SLC35E4: variants seen among roughly 807,000 people sequenced by gnomAD.
The protein encoded by SLC35E4 is solute carrier family 35 member E4, also known as solute carrier family 35, member E4.
A neutral mutation model predicts 19.3 loss-of-function variants in SLC35E4; 15 were observed. That is an observed-to-expected ratio of 0.78 (90% confidence interval 0.52 to 1.20). The LOEUF (loss-of-function observed/expected upper bound fraction) is 1.20, where lower values mean the gene tolerates loss of function less well. Ranked by LOEUF, SLC35E4 falls within the 50% of genes most tolerant of loss-of-function variation. SLC35E4 has a pLI of 0.00. For synonymous variants in SLC35E4, 219 were observed against 219.9 expected (o/e 1.00, Z 0.04); for missense variants, 406 against 472.3 (o/e 0.86, Z 1.30).
At chr22:30,650,020 G>A (rs557407285), downstream of SLC35E4, among the ~76,000 whole-genome samples, 31 of 149,582 alleles carry the variant, frequency 2.1e-4, 1 homozygote, top group Middle Eastern at 3.5e-3. Flanking sequence ...CACAGAGAGC[G>A]CTGGATTGGG....
In SLC35E4 at chr22:30,646,709, C is replaced by T; in HGVS notation, c.731C>T (p.Ala244Val). ...GAALVLEAGV[A>V]PPPTAGDSRL... is the part of the protein sequence containing the mutation. ...GCCCTGGTGCTGGAGGCTGGCGTTGCCCCACCGCCCACTGCTGGCGACTCT... is the reference window on the plus strand; with the variant it reads ...GCCCTGGTGCTGGAGGCTGGCGTTGTCCCACCGCCCACTGCTGGCGACTCT... The change falls in exon 2 of 2, where the codon GCC (alanine) becomes GTC (valine). Residue 244 changes from alanine (A) to valine (V), a missense_variant. Coordinates refer to ENST00000343605, the MANE Select transcript of SLC35E4 (RefSeq NM_001001479.4). 6.2e-7 allele frequency: 1 copy of T among 1,612,410 alleles called. No homozygotes were observed.
chr22:30,665,629 T>C (rs181978189), downstream of SLC35E4: 1 of 453,502 alleles, frequency 2.2e-6, no homozygotes, highest in Admixed American at 2.4e-5. Flanking sequence ...TGCTCCAGGC[T>C]TTCTTAGCCC....
chr22:30,663,709 G>A (rs772790959), downstream of SLC35E4: 7 of 1,614,244 alleles, frequency 4.3e-6, no homozygotes, highest in East Asian at 8.9e-5. Flanking sequence ...AGCAAAGTAC[G>A]GCCCTGCTTC....
chr22:30,654,609 G>A (rs1265668225), intron 2 of SLC35E4: 1 of 465,502 alleles, frequency 2.1e-6, no homozygotes, highest in African/African-American at 2.0e-5. Flanking sequence ...GGGCCCAGAA[G>A]TGGTAGGTGC....
At chr22:30,655,816 C>CAGG (rs1224491626) in intron 2 of SLC35E4, among the ~76,000 whole-genome samples, 1 of 152,096 alleles carries the variant, frequency 6.6e-6, no homozygotes, top group African/African-American at 2.4e-5. Flanking sequence ...TGCCTGAAGT[C>CAGG]AAAGCCAAGA....
At position 30,646,668 on chromosome 22, in the gene SLC35E4, C is replaced by G; in HGVS notation, c.690C>G (p.Cys230Trp). The G allele has an allele frequency of 1.2e-6, 2 of 1,612,764 alleles. No homozygotes were observed. The highest frequency in any genetic ancestry group is 2.2e-5 in the South Asian group (2 of 91,024). Residue 230 changes from cysteine (C) to tryptophan (W), a missense_variant, in exon 2 of 2, where the codon TGC (cysteine) becomes TGG (tryptophan). Coordinates refer to ENST00000343605, the MANE Select transcript of SLC35E4 (RefSeq NM_001001479.4). ...LLYATSLPSFCLLAGAALVLE... is the reference protein window; with the variant it reads ...LLYATSLPSFWLLAGAALVLE... ...ACGCCACCTCGCTGCCCAGCTTCTG[C>G]CTGCTGGCGGGTGCAGCCCTGGTGC...
At chr22:30,659,123 CAAAAAAA>C (rs35939188) in intron 2 of SLC35E4, among the ~76,000 whole-genome samples, 22 of 104,708 alleles carry the variant, frequency 2.1e-4, no homozygotes, top group East Asian at 1.5e-3. Context: ...GACTCCATCT[CAAAAAAA>C]AAAAAAAAAA....
At chr22:30,651,462 T>G (rs1360279397), downstream of SLC35E4, among the ~76,000 whole-genome samples, 2 of 115,736 alleles carry the variant, frequency 1.7e-5, no homozygotes, top group East Asian at 2.5e-4. Flanking sequence ...TTTTTTTTGG[T>G]AGAGATGGGG....
intron 2 of SLC35E4, among the ~76,000 whole-genome samples, chr22:30,658,835 T>C (rs2088398171): frequency 6.6e-6 from 1 of 152,120 alleles, no homozygotes; most frequent in Admixed American, 6.6e-5. Context: ...CTGATTTACA[T>C]GGCAAAGGCT....
At chr22:30,653,371 CTTCT>C (rs928060816) in intron 2 of SLC35E4, among the ~76,000 whole-genome samples, 5 of 150,902 alleles carry the variant, frequency 3.3e-5, no homozygotes, top group South Asian at 2.1e-4. Flanking sequence ...CCCCTTCCTC[CTTCT>C]TTTTTTTTTT....
chr22:30,665,462 C>T (rs1569074237), downstream of SLC35E4: 1 of 464,928 alleles, frequency 2.2e-6, no homozygotes, highest in Non-Finnish European at 4.5e-6. Flanking sequence ...CCCTGCTGAT[C>T]TCTCAGTCTC....
At chr22:30,655,125 G>A (rs999424429) in intron 2 of SLC35E4, among the ~76,000 whole-genome samples, 3 of 152,098 alleles carry the variant, frequency 2.0e-5, no homozygotes, top group Non-Finnish European at 2.9e-5. Flanking sequence ...CAGGGGCTGT[G>A]CAGGGTCTGG....
intron 2 of SLC35E4, among the ~76,000 whole-genome samples, chr22:30,659,061 T>G (rs2088404115): frequency 2.0e-5 from 3 of 148,098 alleles, no homozygotes; most frequent in Non-Finnish European, 4.4e-5. Flanking sequence ...GAGGCGGAGT[T>G]TGCAGTGAGC....
At chr22:30,651,371 T>G (rs200142405), downstream of SLC35E4, among the ~76,000 whole-genome samples, 1,020 of 41,262 alleles carry the variant, frequency 0.025, 28 homozygotes, top group East Asian at 0.12. Context: ...TGGCTAATTT[T>G]TGTGTGTGTG....
intron 2 of SLC35E4, among the ~76,000 whole-genome samples, chr22:30,657,828 C>T (rs1164431823): frequency 1.3e-5 from 2 of 151,112 alleles, no homozygotes; most frequent in African/African-American, 4.9e-5. Flanking sequence ...GACGTGAACT[C>T]GGGAGGCGGA....
intron 2 of SLC35E4, among the ~76,000 whole-genome samples, chr22:30,655,741 T>C (rs2088327591): frequency 6.6e-6 from 1 of 152,040 alleles, no homozygotes; most frequent in South Asian, 2.1e-4. Context: ...TGCCTTCTTA[T>C]GCACGGATGG....
intron 1 of SLC35E4, among the ~76,000 whole-genome samples, chr22:30,646,340 T>C (rs980750484): frequency 6.6e-6 from 1 of 152,198 alleles, no homozygotes; most frequent in Admixed American, 6.5e-5. Context: ...TACCCAACTC[T>C]CCAGGTGAGG....
At chr22:30,649,029 C>T (rs2088173927), downstream of SLC35E4, 1 of 611,324 alleles carries the variant, frequency 1.6e-6, no homozygotes. Flanking sequence ...GCTCTTGTAA[C>T]ACCTAACTCT....
At chr22:30,661,444 C>CTTTTTTT (rs56242112) in intron 2 of SLC35E4, 422 of 136,290 alleles carry the variant, frequency 3.1e-3, no homozygotes, top group Non-Finnish European at 4.7e-3. Flanking sequence ...TTTTCTTTTT[C>CTTTTTTT]TTTTTTTTTT....
Sources: gnomAD v4.1 joint callset for allele counts (sites outside exome capture counted in the v4.1 genomes callset) on GRCh38, gnomAD v4.1.1 for gene constraint, MANE v1.5 for transcripts, NCBI Gene and HGNC (gene_info 2026-07-23, HGNC 2026-07-21) for gene names.